Variants in POR observed in about 807,000 individuals in gnomAD.
POR encodes the protein cytochrome p450 oxidoreductase.
A neutral mutation model predicts 84.0 loss-of-function variants in POR; 56 were observed. The observed-to-expected ratio is 0.67, with a 90% CI of 0.54 to 0.83. The LOEUF is 0.83. POR is among the 40% of genes least tolerant of loss of function. The pLI is 0.00. For missense variants in POR, 938 were observed against 944.3 expected (o/e 0.99, Z 0.09); for synonymous variants, 414 against 400.5 (o/e 1.03, Z -0.40).
intron 7 of POR, 34 bp downstream of exon 7, chr7:75,981,640 T>C: frequency 6.3e-7 from 1 of 1,588,778 alleles, no homozygotes; most frequent in Non-Finnish European, 8.6e-7. Flanking sequence ...GTGGGTGGCC[T>C]GGGCGGGTCC....
rs552868634 is a variant in POR at position 75,933,340 on chromosome 7, A to T, written c.-5+18161A>T. 7.6e-4 allele frequency among the ~76,000 whole-genome samples: 112 copies of T among 147,484 alleles called. No homozygotes were observed. In the Middle Eastern group the frequency reaches 0.011, roughly 15 times the overall value. On this transcript the variant is annotated intron_variant, in intron 1 of 15. Coordinates refer to ENST00000461988, the MANE Select transcript of POR (RefSeq NM_000941.3). ...GTCTTCAAGAGTACAACACATTGCT[A>T]CTAACTATAGTCACCATGTTATACA...
At chr7:75,937,672 C>T (rs1364996453) in intron 1 of POR, among the ~76,000 whole-genome samples, 3 of 151,536 alleles carry the variant, frequency 2.0e-5, no homozygotes, top group South Asian at 2.1e-4. Context: ...ATCCCAGCTA[C>T]TCGGGAGGCT....
At chr7:75,930,184 G>A (rs914180159) in intron 1 of POR, among the ~76,000 whole-genome samples, 5 of 152,168 alleles carry the variant, frequency 3.3e-5, no homozygotes, top group African/African-American at 9.7e-5. Flanking sequence ...TTGAGTGAAC[G>A]TTGGTTGCAT....
chr7:75,975,974 T>C (rs1788668564), intron 3 of POR, among the ~76,000 whole-genome samples: 1 of 151,994 alleles, frequency 6.6e-6, no homozygotes, highest in Admixed American at 6.6e-5. Flanking sequence ...TATTACATCA[T>C]GCCACATTTC....
At chr7:75,928,269 T>C (rs1807245668) in intron 1 of POR, among the ~76,000 whole-genome samples, 1 of 152,124 alleles carries the variant, frequency 6.6e-6, no homozygotes, top group African/African-American at 2.4e-5. Flanking sequence ...ACACCCGGCT[T>C]CTATCTCAGT....
At chr7:75,920,610 G>A (rs1042870236) in intron 1 of POR, among the ~76,000 whole-genome samples, 3 of 152,008 alleles carry the variant, frequency 2.0e-5, no homozygotes, top group Admixed American at 6.6e-5. Flanking sequence ...CTGAGCTCAC[G>A]TCACATCACC....
At position 75,984,787 on chromosome 7, in the gene POR, C is replaced by T. The variant is rs782716205; in HGVS notation, c.1077C>T (p.Asn359=). 41 of 1,612,420 alleles carry T rather than the reference C, an allele frequency of 2.5e-5. No individual in the cohort carries two copies. Among genetic ancestry groups the T allele is most frequent in the Non-Finnish European group, 7.6e-6 (9 of 1,179,776 alleles). ...GTCTCTTCCCTGCAGAGGAGTCCAA[C>T]AAGAAGCACCCATTCCCGTGCCCTA... Residue 359 remains asparagine (N), a synonymous_variant, in exon 11 of 16, where the codon AAC becomes AAT. Coordinates refer to ENST00000461988, the MANE Select transcript of POR (RefSeq NM_000941.3).
At chr7:75,961,274 TA>T (rs34683650) in intron 2 of POR, among the ~76,000 whole-genome samples, 74,464 of 140,956 alleles carry the variant, frequency 0.53, 20,271 homozygotes, top group Non-Finnish European at 0.62. Flanking sequence ...ACAGCTTCTT[TA>T]AAAAAAAAAA....
intron 3 of POR, among the ~76,000 whole-genome samples, chr7:75,978,652 T>G (rs1788815809): frequency 1.3e-5 from 2 of 152,188 alleles, no homozygotes; most frequent in Non-Finnish European, 2.9e-5. Context: ...GCCTCCCAAG[T>G]AGCTGGGATT....
chr7:75,972,537 G>T (rs1394397354), intron 3 of POR, 76 bp downstream of exon 3: 1 of 1,380,608 alleles, frequency 7.2e-7, no homozygotes, highest in South Asian at 1.2e-5. Context: ...CTAGCAGACG[G>T]CTGGCGTCAC....
In POR at chr7:75,917,674, C is replaced by T. The variant is rs143253120; in HGVS notation, c.-5+2495C>T. Among the ~76,000 whole-genome samples the T allele has an allele frequency of 3.5e-3, 539 of 151,910 alleles. 4 individuals are homozygous for T. The highest frequency in any genetic ancestry group is 0.01 in the African/African-American group (432 of 41,424). On this transcript the variant is annotated intron_variant, in intron 1 of 15. Transcript: ENST00000461988. ...CTTTTCTTTTTTTGAGATGGAGTCTCGCTCTGTCGCCCAGGCTGGAGCGCA... is the reference window on the plus strand; with the variant it reads ...CTTTTCTTTTTTTGAGATGGAGTCTTGCTCTGTCGCCCAGGCTGGAGCGCA...
At chr7:75,978,372 C>T (rs1341429528) in intron 3 of POR, among the ~76,000 whole-genome samples, 1 of 152,068 alleles carries the variant, frequency 6.6e-6, no homozygotes, top group African/African-American at 2.4e-5. Context: ...AACAATACAG[C>T]ATAGCAACTA....
At chr7:75,982,184 C>T in intron 7 of POR, 40 bp from the exon 8 acceptor site, 3 of 1,535,772 alleles carry the variant, frequency 2.0e-6, no homozygotes, top group Admixed American at 1.9e-5. Flanking sequence ...GGACTGACCC[C>T]TGCCGCTTCC....
chr7:75,959,774 A>G lies in POR; in HGVS notation c.188+5594A>G, dbSNP rs1421403946. Among the ~76,000 whole-genome samples the G allele has an allele frequency of 2.0e-5, 3 of 152,238 alleles. No homozygotes were observed. The East Asian group carries it at 5.8e-4, about 29-fold the overall frequency. ...CGGGGCCAAACACATTTTTAAAACA[A>G]AAAACCCAGTGGGATTTTTGTTGGA... is the stretch of plus-strand genomic sequence containing the variant. On this transcript the variant is annotated intron_variant, in intron 2 of 15. Coordinates refer to ENST00000461988, the MANE Select transcript of POR (RefSeq NM_000941.3).
chr7:75,984,470 C>T (rs549622449), intron 10 of POR, among the ~76,000 whole-genome samples: 1 of 152,318 alleles, frequency 6.6e-6, no homozygotes, highest in African/African-American at 2.4e-5. Flanking sequence ...TGTAGGGAAG[C>T]CTGGGCGGGG....
intron 3 of POR, among the ~76,000 whole-genome samples, chr7:75,975,690 A>G (rs1554556720): frequency 6.6e-6 from 1 of 151,920 alleles, no homozygotes; most frequent in Admixed American, 6.6e-5. Context: ...TTCAAGGTTC[A>G]CCCACACTGT....
chr7:75,939,021 T>C (rs1184629752), intron 1 of POR, among the ~76,000 whole-genome samples: 1 of 152,136 alleles, frequency 6.6e-6, no homozygotes, highest in Non-Finnish European at 1.5e-5. Flanking sequence ...TCCTTCCAGC[T>C]CTATTTCCCC....
chr7:75,968,338 A>C, intron 2 of POR: 2 of 460,588 alleles, frequency 4.3e-6, no homozygotes, highest in Non-Finnish European at 9.0e-6. Context: ...AGGCCTAGGC[A>C]CTGGTGGCCC....
chr7:75,956,009 G>A (rs2116433627), intron 2 of POR, among the ~76,000 whole-genome samples: 1 of 152,206 alleles, frequency 6.6e-6, no homozygotes, highest in East Asian at 1.9e-4. Context: ...TTAAAAACTG[G>A]GTTCAGGGCC....
Sources: gnomAD v4.1 joint callset for allele counts (sites outside exome capture counted in the v4.1 genomes callset) on GRCh38, gnomAD v4.1.1 for gene constraint, MANE v1.5 for transcripts, NCBI Gene and HGNC (gene_info 2026-07-23, HGNC 2026-07-21) for gene names.